CACNA1B: variants seen among roughly 807,000 people sequenced by gnomAD.
CACNA1B encodes voltage-dependent N-type calcium channel subunit alpha-1B.
Under a neutral mutation model 247.2 loss-of-function variants are expected in CACNA1B, and 70 were observed. That is an observed-to-expected ratio of 0.28 (90% CI 0.23 to 0.35). The LOEUF is 0.35. Ranked by LOEUF, CACNA1B falls within the 10% of genes least tolerant of loss-of-function variation. The probability of loss-of-function intolerance (pLI) is 1.00; values close to 1 mark genes in which losing one functional copy is unlikely to be tolerated. For missense variants in CACNA1B, 2,367 were observed against 3,197.4 expected (o/e 0.74, Z 6.26); for synonymous variants, 1,231 against 1,294.4 (o/e 0.95, Z 1.05).
Position 137,914,566 on chromosome 9 carries a change from G to T in CACNA1B, c.623-88G>T, listed in dbSNP as rs1957391144. ...GCTTAGCACCTTGCTGTCCCTGCTA[G>T]GTTCCTGCTGTTCTGTCCCTGCCCC... On this transcript the variant is annotated intron_variant, in intron 4 of 46. Coordinates refer to ENST00000371372, the MANE Select transcript of CACNA1B (RefSeq NM_000718.4). This position sits in a 1 kb window ranked among gnomAD's most constrained non-coding sequence, Gnocchi z 4.3. 13 of 1,101,380 alleles carry T rather than the reference G, an allele frequency of 1.2e-5. No individual in the cohort carries two copies. Among genetic ancestry groups the T allele is most frequent in the Non-Finnish European group, 1.7e-5 (13 of 746,062 alleles). 68.2% of individuals were successfully genotyped at this position (1,101,380 alleles called of 1,614,324 possible).
At chr9:138,046,401 G>A (rs1411019892) in intron 21 of CACNA1B, among the ~76,000 whole-genome samples, 2 of 152,224 alleles carry the variant, frequency 1.3e-5, no homozygotes, top group African/African-American at 4.8e-5. Flanking sequence ...AGGCCCCAGA[G>A]AACTTTCCTA....
intron 6 of CACNA1B, among the ~76,000 whole-genome samples, chr9:137,918,479 A>G (rs1564889061): frequency 2.0e-5 from 3 of 152,088 alleles, no homozygotes; most frequent in Non-Finnish European, 4.4e-5. Flanking sequence ...TTGAGTAACT[A>G]GAGGATGTGT....
intron 10 of CACNA1B, among the ~76,000 whole-genome samples, chr9:137,968,824 T>C (rs1430846268): frequency 6.6e-6 from 1 of 152,286 alleles, no homozygotes; most frequent in Non-Finnish European, 1.5e-5. Flanking sequence ...AGTACTTCAC[T>C]GTGTCATCAT....
chr9:138,021,493 G>A (rs62580902), intron 18 of CACNA1B, among the ~76,000 whole-genome samples: 3,927 of 152,376 alleles, frequency 0.026, 72 homozygotes, highest in Non-Finnish European at 0.042. Flanking sequence ...CCCACATCTG[G>A]CTGCTCTGTC....
At chr9:137,929,524 T>C (rs1957586715) in intron 6 of CACNA1B, among the ~76,000 whole-genome samples, 1 of 152,090 alleles carries the variant, frequency 6.6e-6, no homozygotes, top group Non-Finnish European at 1.5e-5. Context: ...CACTGCACTC[T>C]AGCCTGTGTA....
chr9:138,058,256 T>C lies in CACNA1B; in HGVS notation c.4308+6T>C, dbSNP rs1589102363. 8 of 1,609,866 alleles carry C rather than the reference T, an allele frequency of 5.0e-6. No homozygotes were observed. Among genetic ancestry groups the C allele is most frequent in the Non-Finnish European group, 6.0e-6 (7 of 1,176,292 alleles). ...GCAGCCTGGAGAAGAACGAGGTAGG[T>C]GGACGCTCTGTGGAGTCTTGCAGTG... is the stretch of plus-strand genomic sequence containing the variant. On this transcript the variant is annotated splice_donor_region_variant and intron_variant, in intron 28 of 46. Coordinates refer to ENST00000371372, the MANE Select transcript of CACNA1B (RefSeq NM_000718.4). This position sits in a 1 kb window ranked among gnomAD's most constrained non-coding sequence, Gnocchi z 4.7.
chr9:137,910,172 C>G (rs746332036), intron 3 of CACNA1B, among the ~76,000 whole-genome samples: 2 of 152,140 alleles, frequency 1.3e-5, no homozygotes, highest in African/African-American at 4.8e-5. Context: ...GTGCACCTAT[C>G]GGCCATTTGT....
intron 15 of CACNA1B, 41 bp from the exon 16 acceptor site, chr9:138,006,726 C>A (rs200932694): frequency 6.9e-6 from 8 of 1,155,128 alleles, no homozygotes; most frequent in African/African-American, 1.5e-5. Flanking sequence ...GTGGGGAAGG[C>A]GGCCATGGGG....
At position 137,957,701 on chromosome 9, in the gene CACNA1B, T is replaced by A; in HGVS notation, c.1333+14T>A. 6.5e-7 allele frequency: 1 copy of A among 1,550,208 alleles called. No homozygotes were observed. Among genetic ancestry groups the A allele is most frequent in the Non-Finnish European group, 8.8e-7 (1 of 1,142,022 alleles). ...TCTGTGCTGTTGGTGAGTCTCAGGG[T>A]GTCCCTCCAGCTCTGCCAGGCTTGA... is the stretch of plus-strand genomic sequence containing the variant. On this transcript the variant is annotated intron_variant, in intron 10 of 46. Transcript: ENST00000371372. This position sits in a 1 kb window ranked among gnomAD's most constrained non-coding sequence, Gnocchi z 4.7.
At chr9:137,985,566 AT>A (rs1958347759) in intron 13 of CACNA1B, among the ~76,000 whole-genome samples, 1 of 152,170 alleles carries the variant, frequency 6.6e-6, no homozygotes, top group Non-Finnish European at 1.5e-5. Context: ...TTGTAAGAGA[AT>A]CCATGGAGGA....
At chr9:137,928,134 T>C (rs6559255) in intron 6 of CACNA1B, among the ~76,000 whole-genome samples, 40,133 of 152,120 alleles carry the variant, frequency 0.26, 7,257 homozygotes, top group African/African-American at 0.51. Context: ...AGTCTTGCTG[T>C]GTCACCAGGC....
intron 22 of CACNA1B, 102 bp downstream of exon 22, chr9:138,047,135 C>T: frequency 9.1e-7 from 1 of 1,096,148 alleles, no homozygotes; most frequent in Non-Finnish European, 1.3e-6. Flanking sequence ...GTCCTGTCGT[C>T]TCACAGGGCA....
Position 138,122,306 on chromosome 9 carries a change from T to A in CACNA1B, c.*307T>A. ...ACCCAGGAGTCCAAATCCCGTGTCC[T>A]GGGACTCAGCATCCAGCATGGGTGC... On this transcript the variant is annotated 3_prime_UTR_variant, in exon 47 of 47. Transcript: ENST00000371372. 2.3e-6 allele frequency: 1 copy of A among 426,064 alleles called. No homozygotes were observed. The highest frequency in any genetic ancestry group is 4.3e-6 in the Non-Finnish European group (1 of 235,068). The allele number at this position is 426,064 out of a possible 1,614,324, so 26.4% of individuals were successfully genotyped here. A position where few individuals can be genotyped will look rare whatever the true frequency, so the allele number is the denominator to read the frequency against.
At chr9:137,934,645 C>T (rs1010937048) in intron 6 of CACNA1B, among the ~76,000 whole-genome samples, 1 of 152,194 alleles carries the variant, frequency 6.6e-6, no homozygotes, top group African/African-American at 2.4e-5. Flanking sequence ...GTTCATATCA[C>T]AGGACTCTGT....
chr9:137,917,347 C>A lies in CACNA1B; in HGVS notation c.882C>A (p.Ile294=). 19 of 1,614,018 alleles carry A rather than the reference C, an allele frequency of 1.2e-5. No homozygotes were observed. Among genetic ancestry groups the A allele is most frequent in the Non-Finnish European group, 1.6e-5 (19 of 1,179,866 alleles). The stretch of plus-strand genomic sequence containing the variant: ...ACTGGCCAGGACCCAACTTTGGCAT[C>A]ACCAACTTTGACAATATCCTGTTTG... ...REYWPGPNFG[I]TNFDNILFAI... Residue 294 remains isoleucine (I), a synonymous_variant, in exon 6 of 47, where the codon ATC becomes ATA. Coordinates refer to ENST00000371372, the MANE Select transcript of CACNA1B (RefSeq NM_000718.4). The surrounding 1 kb of genome is among the most constrained non-coding windows in gnomAD (Gnocchi z 5.5).
chr9:137,878,770 G>C (rs1956873170), intron 1 of CACNA1B, among the ~76,000 whole-genome samples: 1 of 152,174 alleles, frequency 6.6e-6, no homozygotes, highest in Non-Finnish European at 1.5e-5. Flanking sequence ...CCTGGAGTCG[G>C]GCGGAGCCGG....
Position 138,075,921 on chromosome 9 carries a change from C to A in CACNA1B, c.4949+11C>A, listed in dbSNP as rs374663017. The A allele has an allele frequency of 3.2e-6, 5 of 1,583,650 alleles. No homozygotes were observed. The highest frequency in any genetic ancestry group is 2.3e-5 in the South Asian group (2 of 88,678). Reference sequence around the variant, plus strand: ...GATGCTGCTGTTCAGGTGTGTTGTTCGGTCAGCCCAGGCCAATGTCTGCTC... The same window carrying A: ...GATGCTGCTGTTCAGGTGTGTTGTTAGGTCAGCCCAGGCCAATGTCTGCTC... On this transcript the variant is annotated intron_variant, in intron 35 of 46. Coordinates refer to ENST00000371372, the MANE Select transcript of CACNA1B (RefSeq NM_000718.4).
At chr9:137,984,859 G>C (rs1589049161) in intron 13 of CACNA1B, among the ~76,000 whole-genome samples, 1 of 152,232 alleles carries the variant, frequency 6.6e-6, no homozygotes, top group East Asian at 1.9e-4. Context: ...CTGAAGCCCA[G>C]GAAGTGACAG....
intron 3 of CACNA1B, among the ~76,000 whole-genome samples, chr9:137,893,013 C>T (rs772133383): frequency 1.3e-5 from 2 of 152,196 alleles, no homozygotes; most frequent in African/African-American, 2.4e-5. Flanking sequence ...CTCCGTGTCT[C>T]GCCTGGTGCT....
Sources: allele counts gnomAD v4.1 joint callset (sites outside exome capture counted in the v4.1 genomes callset), GRCh38; gene constraint gnomAD v4.1.1; non-coding constraint Gnocchi (gnomAD v3.1); transcripts MANE v1.5; gene names NCBI Gene and HGNC (gene_info 2026-07-23, HGNC 2026-07-21).